The following PEX13 variants were observed in gnomAD, a reference collection of about 807,000 sequenced individuals.
PEX13 encodes the protein peroxisomal biogenesis factor 13.
Under a neutral mutation model 34.5 loss-of-function variants are expected in PEX13, and 28 were observed. That is an observed-to-expected ratio of 0.81 (90% CI 0.60 to 1.11). PEX13 has a LOEUF of 1.11. Among genes scored for constraint, PEX13 ranks in the 50% most tolerant of loss-of-function variants. The probability of loss-of-function intolerance (pLI) is 0.00; values close to 1 mark genes in which losing one functional copy is unlikely to be tolerated. For synonymous variants in PEX13, 177 were observed against 175.1 expected, an observed-to-expected ratio of 1.01 and a Z score of -0.09; for missense variants, 550 against 491.0, an observed-to-expected ratio of 1.12 and a Z score of -1.13.
At chr2:61,019,239 A>G (rs377245407) in intron 1 of PEX13, among the ~76,000 whole-genome samples, 2 of 151,938 alleles carry the variant, frequency 1.3e-5, no homozygotes, top group Non-Finnish European at 2.9e-5. Flanking sequence ...TACTATTTAT[A>G]TATTATTTTT....
At chr2:61,040,968 A>C (rs72809446) in intron 2 of PEX13, among the ~76,000 whole-genome samples, 4,487 of 152,004 alleles carry the variant, frequency 0.03, 103 homozygotes, top group Middle Eastern at 0.051. Flanking sequence ...CCATTACCTT[A>C]ATTCAAGTGA....
At chr2:61,034,775 T>C (rs974979630) in intron 2 of PEX13, among the ~76,000 whole-genome samples, 7 of 152,216 alleles carry the variant, frequency 4.6e-5, no homozygotes, top group African/African-American at 1.4e-4. Flanking sequence ...CTGCCATTGC[T>C]GAGGCTTGAG....
intron 1 of PEX13, among the ~76,000 whole-genome samples, chr2:61,029,813 TAAAA>T (rs546036099): frequency 1.4e-5 from 2 of 143,352 alleles, no homozygotes; most frequent in Admixed American, 7.0e-5. Context: ...CCCTGTCTCT[TAAAA>T]AAAAAAAGTA....
chr2:61,018,039 C>G (rs1680130393), intron 1 of PEX13, 188 bp downstream of exon 1: 3 of 1,443,890 alleles, frequency 2.1e-6, no homozygotes, highest in Non-Finnish European at 9.2e-7. Flanking sequence ...ACAGCTGTTT[C>G]TGACCCGGCA....
rs1573562086 is a variant in PEX13 at position 61,048,584 on chromosome 2, G to A, written c.1026G>A (p.Thr342=). 3 of 1,614,092 alleles carry A rather than the reference G, an allele frequency of 1.9e-6. No homozygotes were observed. Among genetic ancestry groups the A allele is most frequent in the South Asian group, 1.1e-5 (1 of 91,082 alleles). ...TTGGCAAAAGAAAAGGTAGGAAAAC[G>A]GTGGAATCAAGTAAAGTTTCCAAGC... ...KILGKRKGRK[T]VESSKVSKQQ... The change falls in exon 4 of 4, where the codon ACG becomes ACA. Residue 342 remains threonine, a synonymous_variant. Coordinates refer to ENST00000295030, the MANE Select transcript of PEX13 (RefSeq NM_002618.4).
intron 1 of PEX13, among the ~76,000 whole-genome samples, chr2:61,019,867 A>G (rs1459601887): frequency 6.6e-6 from 1 of 152,162 alleles, no homozygotes; most frequent in South Asian, 2.1e-4. Flanking sequence ...TGGGATTTTT[A>G]TTGGAACTGA....
chr2:61,021,462 G>C (rs533702447), intron 1 of PEX13, among the ~76,000 whole-genome samples: 24 of 151,336 alleles, frequency 1.6e-4, no homozygotes, highest in African/African-American at 5.2e-4. Context: ...CAGCCTGGCA[G>C]GGGGAGGGGA....
chr2:61,021,043 G>A (rs1680250428), intron 1 of PEX13, among the ~76,000 whole-genome samples: 1 of 152,062 alleles, frequency 6.6e-6, no homozygotes, highest in African/African-American at 2.4e-5. Flanking sequence ...ATGTATTTTC[G>A]CTTTAGTATG....
chr2:61,045,611 G>T, intron 2 of PEX13, 115 bp from the exon 3 acceptor site: 1 of 780,704 alleles, frequency 1.3e-6, no homozygotes. Context: ...GTTTTTACTT[G>T]GGAGGGGAGG....
chr2:61,051,075 G>A lies in PEX13; in HGVS notation c.*2305G>A, dbSNP rs1198670744. ...CTTTTTTGAAACGACAGTATCGTAA[G>A]TAACATATCATTTATAATAGAAATC... is the stretch of plus-strand genomic sequence containing the variant. On this transcript the variant is annotated 3_prime_UTR_variant, in exon 4 of 4. Coordinates refer to ENST00000295030, the MANE Select transcript of PEX13 (RefSeq NM_002618.4). 6.6e-6 allele frequency: 1 copy of A among 152,312 alleles called. No individual in the cohort carries two copies. Among genetic ancestry groups the A allele is most frequent in the African/African-American group, 2.4e-5 (1 of 41,442 alleles). The allele number at this position is 152,312 out of a possible 1,614,324, so 9.4% of individuals were successfully genotyped here.
At chr2:61,035,606 A>G (rs1336005868) in intron 2 of PEX13, among the ~76,000 whole-genome samples, 1 of 152,192 alleles carries the variant, frequency 6.6e-6, no homozygotes, top group Non-Finnish European at 1.5e-5. Flanking sequence ...AACTAGAATA[A>G]AGAGTGTACA....
At chr2:61,030,179 A>G (rs965552752) in intron 1 of PEX13, among the ~76,000 whole-genome samples, 2 of 152,224 alleles carry the variant, frequency 1.3e-5, no homozygotes, top group African/African-American at 2.4e-5. Context: ...TACGTATTGT[A>G]TGAGTCCATT....
chr2:61,049,564 G>C lies in PEX13; in HGVS notation c.*794G>C, dbSNP rs995055246. 6.6e-6 allele frequency: 1 copy of C among 152,134 alleles called. No homozygotes were observed. Among genetic ancestry groups the C allele is most frequent in the Non-Finnish European group, 1.5e-5 (1 of 68,048 alleles). 9.4% of individuals were successfully genotyped at this position (152,134 alleles called of 1,614,324 possible). A position where few individuals can be genotyped will look rare whatever the true frequency, so the allele number is the denominator to read the frequency against. On this transcript the variant is annotated 3_prime_UTR_variant, in exon 4 of 4. Coordinates refer to ENST00000295030, the MANE Select transcript of PEX13 (RefSeq NM_002618.4). ...TGAGGCGGGCAGATCACCTGAGGTTGGGAGTTCAAGACCACCCTGACCAAC... is the reference window on the plus strand; with the variant it reads ...TGAGGCGGGCAGATCACCTGAGGTTCGGAGTTCAAGACCACCCTGACCAAC...
At chr2:61,026,877 G>A (rs1680366011) in intron 1 of PEX13, among the ~76,000 whole-genome samples, 2 of 151,980 alleles carry the variant, frequency 1.3e-5, no homozygotes, top group Middle Eastern at 3.4e-3. Flanking sequence ...TCATGTGTGT[G>A]GCATTTTTGA....
intron 2 of PEX13, among the ~76,000 whole-genome samples, chr2:61,043,994 G>T (rs925804246): frequency 2.0e-5 from 3 of 152,120 alleles, no homozygotes. Flanking sequence ...TTGTCAGCCA[G>T]GCTGGAGTGC....
chr2:61,041,477 GATGA>G (rs1327182558), intron 2 of PEX13, among the ~76,000 whole-genome samples: 1 of 152,202 alleles, frequency 6.6e-6, no homozygotes, highest in Non-Finnish European at 1.5e-5. Flanking sequence ...GTGGAAGGAT[GATGA>G]ATGATGTAAG....
At chr2:61,027,699 T>C (rs1405264174) in intron 1 of PEX13, among the ~76,000 whole-genome samples, 1 of 152,242 alleles carries the variant, frequency 6.6e-6, no homozygotes, top group East Asian at 1.9e-4. Context: ...CTTACCATTT[T>C]ACATTTCTGT....
Position 61,048,905 on chromosome 2 carries a change from A to G in PEX13, c.*135A>G. 2.6e-6 allele frequency: 2 copies of G among 767,408 alleles called. No individual in the cohort carries two copies. Among genetic ancestry groups the G allele is most frequent in the Non-Finnish European group, 4.3e-6 (2 of 464,106 alleles). The allele number at this position is 767,408 out of a possible 1,614,324, so 47.5% of individuals were successfully genotyped here. ...TTCAGGTGTTTTGCTGCTAGAAATT[A>G]TTAAAGTTACACACTAGTATGTTGG... On this transcript the variant is annotated 3_prime_UTR_variant, in exon 4 of 4. Coordinates refer to ENST00000295030, the MANE Select transcript of PEX13 (RefSeq NM_002618.4).
At chr2:61,034,736 G>T (rs1391866883) in intron 2 of PEX13, among the ~76,000 whole-genome samples, 2 of 152,210 alleles carry the variant, frequency 1.3e-5, no homozygotes, top group African/African-American at 2.4e-5. Context: ...AACCAGCAAC[G>T]CTGCAGCTTG....
Sources: allele counts gnomAD v4.1 joint callset (sites outside exome capture counted in the v4.1 genomes callset), GRCh38; gene constraint gnomAD v4.1.1; transcripts MANE v1.5; gene names NCBI Gene and HGNC (gene_info 2026-07-23, HGNC 2026-07-21).